Variants in PHF8 observed in about 807,000 individuals in gnomAD.
The protein encoded by PHF8 is PHD finger protein 8, also known as histone lysine demethylase PHF8.
A neutral mutation model predicts 74.4 loss-of-function variants in PHF8; 9 were observed. That is an observed-to-expected ratio of 0.12 (90% CI 0.07 to 0.21). PHF8 has a LOEUF of 0.21. PHF8 is among the 10% of genes least tolerant of loss of function. The pLI is 1.00. For synonymous variants in PHF8, 311 were observed against 316.6 expected (o/e 0.98, Z 0.19); for missense variants, 478 against 816.6 (o/e 0.59, Z 5.05).
chrX:53,995,043 T>C lies in PHF8; in HGVS notation c.1323+650A>G, dbSNP rs193046205. ...AAATCCTGAAAGGTTGATGTTATCC[T>C]CACTTTACAGATGAGGAAACTGAGG... is the stretch of plus-strand genomic sequence containing the variant. On this transcript the variant is annotated intron_variant, in intron 12 of 21. Transcript: ENST00000338154. The C allele has an allele frequency of 1.3e-3, 365 of 291,890 alleles. 2 individuals carry two copies. The highest frequency in any genetic ancestry group is 9.8e-3 in the African/African-American group (348 of 35,659). The allele number at this position is 291,890 out of a possible 1,213,427, so 24.1% of individuals were successfully genotyped here. A position where few individuals can be genotyped will look rare whatever the true frequency, so the allele number is the denominator to read the frequency against.
intron 2 of PHF8, chrX:54,039,723 T>TA (rs1285263421): frequency 4.5e-5 from 5 of 112,210 alleles, no homozygotes; most frequent in African/African-American, 6.5e-5. Flanking sequence ...ATTTATAATA[T>TA]AAAAAAGTAC....
chrX:53,952,271 G>T (rs1366467933), intron 19 of PHF8, among the ~76,000 whole-genome samples: 1 of 100,489 alleles, frequency 1.0e-5, no homozygotes, highest in Non-Finnish European at 2.0e-5. Flanking sequence ...GCGACAGTGC[G>T]AGACTCTGTC....
chrX:53,943,066 T>C lies in PHF8; in HGVS notation c.2649+1068A>G, dbSNP rs1490672974. On this transcript the variant is annotated intron_variant, in intron 20 of 21. Transcript: ENST00000338154. Reference sequence around the variant, plus strand: ...AAAACCTCTTCTTTGAGGTTATCTCTGATCATCCCAAACAGAATTTAGCTC... The same window carrying C: ...AAAACCTCTTCTTTGAGGTTATCTCCGATCATCCCAAACAGAATTTAGCTC... 6 of 807,554 alleles carry C rather than the reference T, an allele frequency of 7.4e-6. No homozygotes were observed. The African/African-American group carries it at 1.3e-4, about 18-fold the overall frequency. The allele number at this position is 807,554 out of a possible 1,213,427, so 66.6% of individuals were successfully genotyped here.
At chrX:53,971,494 C>A (rs1343617538) in intron 18 of PHF8, among the ~76,000 whole-genome samples, 1 of 110,957 alleles carries the variant, frequency 9.0e-6, no homozygotes, top group African/African-American at 3.3e-5. Flanking sequence ...CGGAAGGAGA[C>A]AGAGACACGA....
At chrX:53,963,623 CAT>C (rs1394332224) in intron 18 of PHF8, among the ~76,000 whole-genome samples, 2 of 112,098 alleles carry the variant, frequency 1.8e-5, no homozygotes, top group African/African-American at 6.5e-5. Context: ...AGCCAACAAA[CAT>C]ATGAAAAAAT....
At chrX:53,944,321 T>G in intron 19 of PHF8, 78 bp from the exon 20 acceptor site, 1 of 728,416 alleles carries the variant, frequency 1.4e-6, no homozygotes, top group Non-Finnish European at 2.1e-6. Flanking sequence ...CTCCAAGCTC[T>G]CCAAAGGTAC....
chrX:54,027,941 G>A (rs1342773976), intron 2 of PHF8, among the ~76,000 whole-genome samples: 1 of 107,775 alleles, frequency 9.3e-6, no homozygotes, highest in Non-Finnish European at 1.9e-5. Flanking sequence ...ACAGGAAGGG[G>A]GATATAGAGG....
intron 18 of PHF8, among the ~76,000 whole-genome samples, chrX:53,983,440 G>A (rs1461574042): frequency 9.0e-6 from 1 of 111,426 alleles, no homozygotes; most frequent in Non-Finnish European, 1.9e-5. Flanking sequence ...CAATAAACAC[G>A]TAAAACAAAC....
intron 11 of PHF8, among the ~76,000 whole-genome samples, chrX:53,996,120 C>T (rs782782865): frequency 1.3e-4 from 13 of 103,176 alleles, no homozygotes; most frequent in African/African-American, 3.8e-4. Context: ...CATTATGAGA[C>T]TTTTTTTTTT....
In PHF8 at chrX:54,017,541, T is replaced by A. The variant is rs1237956828; in HGVS notation, c.454+120A>T. ...CCAAAGAATGACTTTGGACAAGGCA[T>A]TTCACCTGAGATTCCCAAGATGGTT... On this transcript the variant is annotated intron_variant, in intron 5 of 21. Transcript: ENST00000338154. 4 of 603,418 alleles carry A rather than the reference T, an allele frequency of 6.6e-6. No individual in the cohort carries two copies. The Admixed American group carries it at 1.1e-4, about 17-fold the overall frequency. 49.7% of individuals were successfully genotyped at this position (603,418 alleles called of 1,213,427 possible).
chrX:53,955,134 T>G (rs1440266211), intron 19 of PHF8, among the ~76,000 whole-genome samples: 3 of 112,123 alleles, frequency 2.7e-5, no homozygotes, highest in Non-Finnish European at 3.8e-5. Flanking sequence ...GGATAGCTGG[T>G]ATATATCCAA....
chrX:53,969,753 T>C (rs1285630852), intron 18 of PHF8, among the ~76,000 whole-genome samples: 1 of 112,074 alleles, frequency 8.9e-6, no homozygotes, highest in Non-Finnish European at 1.9e-5. Flanking sequence ...CAAAACAGCA[T>C]GGTACTGGCA....
Position 53,985,938 on chromosome X carries a change from T to C in PHF8, c.2007A>G (p.Thr669=). 1.7e-6 allele frequency: 2 copies of C among 1,209,916 alleles called. No homozygotes were observed. Among genetic ancestry groups the C allele is most frequent in the African/African-American group, 1.7e-5 (1 of 57,653 alleles). Residue 669 remains threonine (T), a synonymous_variant, in exon 17 of 22, where the codon ACA becomes ACG. Coordinates refer to ENST00000338154, the MANE Select transcript of PHF8 (RefSeq NM_015107.3). ...CCCCTTCCACCATGTCCTCATCTGT[T>C]GTATAGTCCTCCTGTTGGAGAGAGA... ...EVEFDIEEDY[T]TDEDMVEGVE... is the part of the protein sequence containing the mutation.
In PHF8 at chrX:53,937,707, G is replaced by A. The variant is rs781961999; in HGVS notation, c.*1451C>T. 10 of 308,289 alleles carry A rather than the reference G, an allele frequency of 3.2e-5. No homozygotes were observed. Among genetic ancestry groups the A allele is most frequent in the African/African-American group, 2.4e-4 (9 of 37,635 alleles). 25.4% of individuals were successfully genotyped at this position (308,289 alleles called of 1,213,427 possible). On this transcript the variant is annotated 3_prime_UTR_variant, in exon 22 of 22. Transcript: ENST00000338154. ...TGGAGATACAAAGATGACAAAAGAA[G>A]CCTCACAAATTCCCTGTGGCCTGCA...
Position 54,044,122 on chromosome X carries a change from C to T in PHF8, c.-453G>A, listed in dbSNP as rs2066609568. On this transcript the variant is annotated 5_prime_UTR_variant, in exon 1 of 22. Coordinates refer to ENST00000338154, the MANE Select transcript of PHF8 (RefSeq NM_015107.3). ...CCTCCTCCACAACATTCCCCTCGGCCCGGCCGTTCGGGCCTACTGGAGACC... is the reference window on the plus strand; with the variant it reads ...CCTCCTCCACAACATTCCCCTCGGCTCGGCCGTTCGGGCCTACTGGAGACC... The T allele has an allele frequency of 1.3e-6, 1 of 754,381 alleles. No individual in the cohort carries two copies. Among genetic ancestry groups the T allele is most frequent in the Non-Finnish European group, 1.6e-6 (1 of 639,390 alleles). 62.2% of individuals were successfully genotyped at this position (754,381 alleles called of 1,213,427 possible). A position where few individuals can be genotyped will look rare whatever the true frequency, so the allele number is the denominator to read the frequency against.
chrX:53,962,117 G>A (rs782563948), intron 19 of PHF8, among the ~76,000 whole-genome samples: 1 of 111,883 alleles, frequency 8.9e-6, no homozygotes, highest in African/African-American at 3.2e-5. Flanking sequence ...ATCTTAGATA[G>A]TAGGTCTTAG....
upstream of PHF8, chrX:54,044,515 C>A (rs972415391): frequency 1.9e-6 from 1 of 537,094 alleles, no homozygotes; most frequent in African/African-American, 2.5e-5. Context: ...CGCCGGCTCC[C>A]GGGTGACGTC....
intron 19 of PHF8, among the ~76,000 whole-genome samples, chrX:53,949,289 C>T (rs901683333): frequency 9.1e-6 from 1 of 110,306 alleles, no homozygotes; most frequent in African/African-American, 3.3e-5. Flanking sequence ...GAGCTGAGAT[C>T]GCGCTACTGC....
At chrX:54,035,381 T>G (rs781900114) in intron 2 of PHF8, among the ~76,000 whole-genome samples, 20 of 107,372 alleles carry the variant, frequency 1.9e-4, no homozygotes, top group Non-Finnish European at 3.3e-4. Flanking sequence ...AAAAGAAAAG[T>G]AAAGTTTCTA....
Sources: allele counts gnomAD v4.1 joint callset (sites outside exome capture counted in the v4.1 genomes callset), GRCh38; gene constraint gnomAD v4.1.1; transcripts MANE v1.5; gene names NCBI Gene and HGNC (gene_info 2026-07-23, HGNC 2026-07-21).